GALNT1: variants seen among roughly 807,000 people sequenced by gnomAD.
The protein encoded by GALNT1 is polypeptide N-acetylgalactosaminyltransferase 1, also known as GalNAc transferase 1.
In GALNT1, 17 loss-of-function variants were observed where a neutral mutation model predicts 65.7. That is an observed-to-expected ratio of 0.26 (90% CI 0.18 to 0.39). The LOEUF is 0.39. GALNT1 is among the 10% of genes least tolerant of loss of function. GALNT1 has a pLI of 1.00. For missense variants in GALNT1, 460 were observed against 672.8 expected (o/e 0.68, Z 3.50); for synonymous variants, 210 against 219.7 (o/e 0.96, Z 0.39).
intron 1 of GALNT1, among the ~76,000 whole-genome samples, chr18:35,651,805 G>A (rs12966701): frequency 0.22 from 34,110 of 152,078 alleles, 4,299 homozygotes; most frequent in African/African-American, 0.33. Flanking sequence ...ACAAATTGAA[G>A]TAATAATTAT....
chr18:35,654,760 A>C lies in GALNT1; in HGVS notation c.98A>C (p.Lys33Thr). ...FLLLYFSECN[K>T]CDEKKERGLP... The stretch of plus-strand genomic sequence containing the variant: ...CTGCTTTACTTCAGTGAATGCAACA[A>C]ATGTGATGAAAAAAAGGAGAGAGGA... Residue 33 changes from lysine to threonine, a missense_variant, in exon 2 of 12, where the codon AAA becomes ACA. Coordinates refer to ENST00000269195, the MANE Select transcript of GALNT1 (RefSeq NM_020474.4). 6.4e-7 allele frequency: 1 copy of C among 1,569,640 alleles called. No homozygotes were observed. Among genetic ancestry groups the C allele is most frequent in the Non-Finnish European group, 8.7e-7 (1 of 1,155,266 alleles).
chr18:35,667,752 G>A (rs1229584107), intron 3 of GALNT1, among the ~76,000 whole-genome samples: 2 of 152,100 alleles, frequency 1.3e-5, no homozygotes, highest in Non-Finnish European at 2.9e-5. Context: ...CTGCATCACT[G>A]TGGTGTCATT....
At position 35,677,767 on chromosome 18, in the gene GALNT1, A is replaced by G; in HGVS notation, c.481+10A>G. 6.3e-7 allele frequency: 1 copy of G among 1,586,648 alleles called. No individual in the cohort carries two copies. The highest frequency in any genetic ancestry group is 8.6e-7 in the Non-Finnish European group (1 of 1,162,978). On this transcript the variant is annotated intron_variant, in intron 4 of 11. Transcript: ENST00000269195. ...GATGCCAGTGAAAGAGGTAAATTTTAAATTTTAATGCCAATAATTTGCTAC... is the reference window on the plus strand; with the variant it reads ...GATGCCAGTGAAAGAGGTAAATTTTGAATTTTAATGCCAATAATTTGCTAC...
intron 11 of GALNT1, among the ~76,000 whole-genome samples, chr18:35,706,162 G>C (rs1480133549): frequency 1.3e-5 from 2 of 152,190 alleles, no homozygotes; most frequent in Non-Finnish European, 2.9e-5. Context: ...TACCACAACA[G>C]TATTCCAAAA....
At chr18:35,661,046 A>G (rs576701419) in intron 2 of GALNT1, among the ~76,000 whole-genome samples, 1 of 152,352 alleles carries the variant, frequency 6.6e-6, no homozygotes, top group South Asian at 2.1e-4. Context: ...CTGATTCTTT[A>G]AGATCTCAAA....
intron 3 of GALNT1, among the ~76,000 whole-genome samples, chr18:35,667,857 T>C (rs2047571741): frequency 6.6e-6 from 1 of 152,206 alleles, no homozygotes; most frequent in Non-Finnish European, 1.5e-5. Context: ...ATTGTGTGGT[T>C]GTGGTATTAA....
chr18:35,584,723 A>G (rs892458758), intron 1 of GALNT1, among the ~76,000 whole-genome samples: 2 of 152,190 alleles, frequency 1.3e-5, no homozygotes, highest in Non-Finnish European at 1.5e-5. Context: ...TTAGATTCTC[A>G]TAAGTCTTGT....
chr18:35,708,540 TGAGTAAAA>T (rs2048303499), intron 11 of GALNT1, among the ~76,000 whole-genome samples: 1 of 152,248 alleles, frequency 6.6e-6, no homozygotes, highest in African/African-American at 2.4e-5. Flanking sequence ...AATAGAGCCA[TGAGTAAAA>T]GAATCAGATA....
chr18:35,624,322 T>G (rs2046890439), intron 1 of GALNT1, among the ~76,000 whole-genome samples: 1 of 152,242 alleles, frequency 6.6e-6, no homozygotes, highest in South Asian at 2.1e-4. Context: ...CTTCTTGAGT[T>G]TCAGTAACTC....
intron 1 of GALNT1, among the ~76,000 whole-genome samples, chr18:35,603,733 C>T (rs969887124): frequency 2.6e-5 from 4 of 152,104 alleles, no homozygotes; most frequent in Non-Finnish European, 5.9e-5. Context: ...GACCCTGGAG[C>T]TCCATCCCTC....
At position 35,599,366 on chromosome 18, in the gene GALNT1, C is replaced by CCTTTTTTT. The variant is rs61028491; in HGVS notation, c.-104+17504_-104+17505insCTTTTTTT. Reference sequence around the variant, plus strand: ...AATAGTTTCAGGTATGAGATTTACACTTTTTTTTTTTTTTTTTTTTAAGAC... The same window carrying CCTTTTTTT: ...AATAGTTTCAGGTATGAGATTTACACCTTTTTTTTTTTTTTTTTTTTTTTTTTTAAGAC... On this transcript the variant is annotated intron_variant, in intron 1 of 11. Transcript: ENST00000269195. 4.5e-4 allele frequency among the ~76,000 whole-genome samples: 55 copies of CCTTTTTTT among 122,724 alleles called. 2 individuals are homozygous for CCTTTTTTT. Among genetic ancestry groups the CCTTTTTTT allele is most frequent in the African/African-American group, 1.5e-3 (46 of 31,712 alleles). The allele number at this position is 122,724 out of a possible 152,430, so 80.5% of individuals were successfully genotyped here.
chr18:35,679,443 T>C (rs1055793377), intron 4 of GALNT1, among the ~76,000 whole-genome samples: 8 of 152,210 alleles, frequency 5.3e-5, no homozygotes. Flanking sequence ...CCACAACAAG[T>C]GACAGAGAAA....
chr18:35,589,971 A>G (rs1352942400), intron 1 of GALNT1, among the ~76,000 whole-genome samples: 3 of 152,204 alleles, frequency 2.0e-5, no homozygotes, highest in Non-Finnish European at 4.4e-5. Flanking sequence ...CTTACTCCTC[A>G]TGGACTAGGT....
chr18:35,679,697 G>A (rs2047760704), intron 4 of GALNT1, among the ~76,000 whole-genome samples: 1 of 152,122 alleles, frequency 6.6e-6, no homozygotes, highest in African/African-American at 2.4e-5. Context: ...CGGTATCTGG[G>A]AGACAGTAGA....
intron 4 of GALNT1, among the ~76,000 whole-genome samples, chr18:35,680,794 A>G (rs990087093): frequency 2.0e-5 from 3 of 152,042 alleles, no homozygotes; most frequent in African/African-American, 7.2e-5. Flanking sequence ...CCAGAGCCTG[A>G]CCTCTTAATT....
At chr18:35,629,682 C>A (rs2046977323) in intron 1 of GALNT1, among the ~76,000 whole-genome samples, 1 of 152,178 alleles carries the variant, frequency 6.6e-6, no homozygotes, top group Non-Finnish European at 1.5e-5. Context: ...AGCCAGCTGA[C>A]ATCATAATGA....
Position 35,581,848 on chromosome 18 carries a change from C to CGCT in GALNT1, c.-116_-115insTGC, listed in dbSNP as rs1188190251. On this transcript the variant is annotated 5_prime_UTR_variant, in exon 1 of 12. Coordinates refer to ENST00000269195, the MANE Select transcript of GALNT1 (RefSeq NM_020474.4). ...GGAGGACGCCTGCCGCCGCCGCCGC[C>CGCT]GCGCGCCTAGCGAGGTGAGTGTATC... 2 of 110,428 alleles carry CGCT rather than the reference C, an allele frequency of 1.8e-5. No homozygotes were observed. Among genetic ancestry groups the CGCT allele is most frequent in the African/African-American group, 3.5e-5 (1 of 28,974 alleles). 6.8% of individuals were successfully genotyped at this position (110,428 alleles called of 1,614,324 possible).
chr18:35,690,977 G>C, intron 7 of GALNT1, 35 bp from the exon 8 acceptor site: 1 of 1,517,384 alleles, frequency 6.6e-7, no homozygotes, highest in African/African-American at 1.4e-5. Context: ...TGATTACTCA[G>C]CTACATGTTA....
At chr18:35,626,770 C>T (rs964573113) in intron 1 of GALNT1, among the ~76,000 whole-genome samples, 1 of 152,106 alleles carries the variant, frequency 6.6e-6, no homozygotes, top group African/African-American at 2.4e-5. Context: ...ATGATGGCTT[C>T]CCCCATGGCC....
Sources: allele counts gnomAD v4.1 joint callset (sites outside exome capture counted in the v4.1 genomes callset), GRCh38; gene constraint gnomAD v4.1.1; transcripts MANE v1.5; gene names NCBI Gene and HGNC (gene_info 2026-07-23, HGNC 2026-07-21).